PAK3: variants seen among roughly 807,000 people sequenced by gnomAD.
PAK3 encodes p21 (RAC1) activated kinase 3.
A neutral mutation model predicts 41.0 loss-of-function variants in PAK3; 4 were observed. The observed-to-expected ratio is 0.10, with a 90% CI of 0.05 to 0.22. The LOEUF (loss-of-function observed/expected upper bound fraction) is 0.22. PAK3 is among the 10% of genes least tolerant of loss of function. PAK3 has a pLI of 1.00. For missense variants in PAK3, 205 were observed against 409.9 expected (o/e 0.50, Z 4.32); for synonymous variants, 146 against 139.6 (o/e 1.05, Z -0.32).
At chrX:110,989,786 T>C (rs1326566992) in intron 1 of PAK3, among the ~76,000 whole-genome samples, 1 of 111,707 alleles carries the variant, frequency 9.0e-6, no homozygotes, top group Non-Finnish European at 1.9e-5. Flanking sequence ...ATAGTCACCA[T>C]GCTGGCTGCC....
In PAK3 at chrX:111,222,651, CA is replaced by C. The variant is rs759962729; in HGVS notation, c.*2207del. On this transcript the variant is annotated 3_prime_UTR_variant, in exon 18 of 18. Coordinates refer to ENST00000372007, the MANE Select transcript of PAK3 (RefSeq NM_002578.5). The stretch of plus-strand genomic sequence containing the variant: ...GGAAATTCAATGAAATCCTGGGATG[CA>C]AATAAAAATCAGTACATTAGTGACT... The C allele has an allele frequency of 9.0e-6, 1 of 111,611 alleles. No individual in the cohort carries two copies. Among genetic ancestry groups the C allele is most frequent in the African/African-American group, 3.3e-5 (1 of 30,695 alleles). The allele number at this position is 111,611 out of a possible 1,213,427, so 9.2% of individuals were successfully genotyped here. A position where few individuals can be genotyped will look rare whatever the true frequency, so the allele number is the denominator to read the frequency against.
chrX:111,113,510 T>A (rs1269338509), intron 4 of PAK3, among the ~76,000 whole-genome samples: 1 of 111,343 alleles, frequency 9.0e-6, no homozygotes, highest in Non-Finnish European at 1.9e-5. Context: ...ATGAAGAGAG[T>A]CTTGCCCTTT....
At chrX:111,003,874 G>A (rs1271090987) in intron 1 of PAK3, among the ~76,000 whole-genome samples, 3 of 112,265 alleles carry the variant, frequency 2.7e-5, no homozygotes, top group Non-Finnish European at 3.8e-5. Flanking sequence ...ATTCTGCAAC[G>A]AGACTGCTTA....
At chrX:111,133,383 A>C (rs1371164309) in intron 5 of PAK3, among the ~76,000 whole-genome samples, 1 of 111,845 alleles carries the variant, frequency 8.9e-6, no homozygotes, top group Non-Finnish European at 1.9e-5. Context: ...ACTGTCCACC[A>C]CAGATTTCTG....
chrX:111,023,675 C>G (rs180828741), intron 1 of PAK3, among the ~76,000 whole-genome samples: 284 of 112,366 alleles, frequency 2.5e-3, no homozygotes, highest in Non-Finnish European at 3.3e-3. Flanking sequence ...AGTTTGTTAG[C>G]TGCATAAATG....
At chrX:111,089,319 G>A (rs376021608) in intron 1 of PAK3, among the ~76,000 whole-genome samples, 1 of 112,266 alleles carries the variant, frequency 8.9e-6, no homozygotes, top group African/African-American at 3.2e-5. Context: ...TGTTTAATGG[G>A]AGAACAGGTT....
chrX:111,196,664 ACTTTATT>A (rs758243051), intron 16 of PAK3, 24 bp downstream of exon 16: 1 of 1,077,389 alleles, frequency 9.3e-7, no homozygotes, highest in African/African-American at 1.8e-5. Context: ...GAAGTCAGGT[ACTTTATT>A]CCCAGGAAAG....
At chrX:111,055,863 C>G (rs1289171303) in intron 1 of PAK3, among the ~76,000 whole-genome samples, 1 of 111,640 alleles carries the variant, frequency 9.0e-6, no homozygotes, top group Non-Finnish European at 1.9e-5. Flanking sequence ...ACAGAAGCAG[C>G]CTCCATTTCA....
upstream of PAK3, among the ~76,000 whole-genome samples, chrX:111,096,140 G>A (rs941386903): frequency 2.7e-5 from 3 of 111,313 alleles, no homozygotes; most frequent in African/African-American, 9.8e-5. Context: ...CAGAGCTCGG[G>A]TGACGTAATA....
At chrX:111,098,978 T>G (rs1168067162) in intron 3 of PAK3, among the ~76,000 whole-genome samples, 1 of 110,655 alleles carries the variant, frequency 9.0e-6, no homozygotes, top group African/African-American at 3.3e-5. Flanking sequence ...TGGACTCGTC[T>G]GCCAAGTCGG....
rs748957171 is a variant in PAK3 at position 111,049,093 on chromosome X, TA to T, written c.-27-73982del. 1.2e-4 allele frequency among the ~76,000 whole-genome samples: 13 copies of T among 111,697 alleles called. No homozygotes were observed. The East Asian group carries it at 3.4e-3, about 29-fold the overall frequency. ...CTTTCTGTTCTGTTAACAAGCCAAT[TA>T]AGGCCTCTGCACTGCTCTTTTCTCT... On this transcript the variant is annotated intron_variant, in intron 1 of 14. Coordinates refer to the PAK3 transcript ENST00000425146.
chrX:111,210,292 T>C (rs779780880), intron 16 of PAK3, among the ~76,000 whole-genome samples: 79 of 112,183 alleles, frequency 7.0e-4, no homozygotes, highest in African/African-American at 2.4e-3. Flanking sequence ...TTCTGAACTA[T>C]GTTTCAAGTT....
At chrX:111,081,387 G>A (rs1425471817) in intron 1 of PAK3, among the ~76,000 whole-genome samples, 1 of 110,894 alleles carries the variant, frequency 9.0e-6, no homozygotes, top group African/African-American at 3.3e-5. Flanking sequence ...GCACATGCCT[G>A]TACTCCCAGC....
chrX:110,946,126 G>A (rs995285996), intron 1 of PAK3, among the ~76,000 whole-genome samples: 1 of 111,221 alleles, frequency 9.0e-6, no homozygotes, highest in African/African-American at 3.3e-5. Context: ...GGGGATGGGG[G>A]TTATGATCAA....
chrX:110,974,215 T>C (rs938241738), intron 1 of PAK3, among the ~76,000 whole-genome samples: 2 of 111,408 alleles, frequency 1.8e-5, no homozygotes, highest in African/African-American at 6.5e-5. Flanking sequence ...CAAGCAGACC[T>C]AATAGACATC....
At chrX:111,148,749 C>T (rs896364293) in intron 7 of PAK3, among the ~76,000 whole-genome samples, 13 of 111,060 alleles carry the variant, frequency 1.2e-4, no homozygotes, top group Non-Finnish European at 1.3e-4. Flanking sequence ...TACCCACCCC[C>T]GGGTCCCTCC....
At chrX:111,105,996 A>G (rs1569334423) in intron 4 of PAK3, among the ~76,000 whole-genome samples, 1 of 111,607 alleles carries the variant, frequency 9.0e-6, no homozygotes, top group Non-Finnish European at 1.9e-5. Context: ...TAACACTCAC[A>G]TATTCACTCA....
In PAK3 at chrX:111,222,241, C is replaced by T. The variant is rs757616745; in HGVS notation, c.*1794C>T. The stretch of plus-strand genomic sequence containing the variant: ...TCTCTCCTTCTTTGCCAAGGTACAT[C>T]CATCCATCTAACCATCCATATATCC... On this transcript the variant is annotated 3_prime_UTR_variant, in exon 18 of 18. Coordinates refer to ENST00000372007, the MANE Select transcript of PAK3 (RefSeq NM_002578.5). The T allele has an allele frequency of 4.5e-5, 5 of 111,955 alleles. No individual in the cohort carries two copies. In the East Asian group the frequency reaches 1.4e-3, roughly 31 times the overall value. 9.2% of individuals were successfully genotyped at this position (111,955 alleles called of 1,213,427 possible). A position where few individuals can be genotyped will look rare whatever the true frequency, so the allele number is the denominator to read the frequency against.
chrX:111,196,386 A>C, intron 15 of PAK3, 58 bp from the exon 16 acceptor site: 1 of 916,673 alleles, frequency 1.1e-6, no homozygotes, highest in South Asian at 2.0e-5. Context: ...TCTGAAAGTG[A>C]TATATTGTAA....
Sources: allele counts gnomAD v4.1 joint callset (sites outside exome capture counted in the v4.1 genomes callset), GRCh38; gene constraint gnomAD v4.1.1; transcripts MANE v1.5; gene names NCBI Gene and HGNC (gene_info 2026-07-23, HGNC 2026-07-21).